Variants in CYLD observed in about 807,000 individuals in gnomAD.
The protein encoded by CYLD is ubiquitin carboxyl-terminal hydrolase CYLD.
Under a neutral mutation model 104.5 loss-of-function variants are expected in CYLD, and 26 were observed. The ratio of observed to expected loss-of-function variants is 0.25; its 90% CI spans 0.18 to 0.35. CYLD has a LOEUF of 0.35. Ranked by LOEUF, CYLD falls within the 10% of genes least tolerant of loss-of-function variation. CYLD has a pLI of 1.00. For missense variants in CYLD, 703 were observed against 1,136.1 expected (o/e 0.62, Z 5.48); for synonymous variants, 385 against 399.9 (o/e 0.96, Z 0.45).
intron 5 of CYLD, among the ~76,000 whole-genome samples, chr16:50,759,237 A>C (rs901721737): frequency 1.3e-5 from 2 of 152,170 alleles, no homozygotes; most frequent in African/African-American, 4.8e-5. Context: ...GCGAGACTCC[A>C]TCTCAAAAAA....
Position 50,753,515 on chromosome 16 carries a change from C to T in CYLD, c.808-804C>T, listed in dbSNP as rs116118775. Among the ~76,000 whole-genome samples, 1,334 of 152,366 alleles carry T rather than the reference C, an allele frequency of 8.8e-3. 16 individuals carry two copies. Among genetic ancestry groups the T allele is most frequent in the African/African-American group, 0.031 (1,274 of 41,584 alleles). Reference sequence around the variant, plus strand: ...TGCCAGCTTCTCTCCTTGCCTCCATCTGTCCCATAGCTGACTTGTGCAGAT... The same window carrying T: ...TGCCAGCTTCTCTCCTTGCCTCCATTTGTCCCATAGCTGACTTGTGCAGAT... On this transcript the variant is annotated intron_variant, in intron 4 of 18. Coordinates refer to ENST00000427738, the MANE Select transcript of CYLD (RefSeq NM_001378743.1).
rs58882123 is a variant in CYLD at position 50,782,541 on chromosome 16, T to TGC, written c.1826+77_1826+78dup. On this transcript the variant is annotated intron_variant, in intron 11 of 18. Coordinates refer to ENST00000427738, the MANE Select transcript of CYLD (RefSeq NM_001378743.1). ...ACACATACCGGTGTGTGTGTGTGTG[T>TGC]GCGTGTGAGTGTGTGTGAAAGAAAC... 7.2e-4 allele frequency: 1,018 copies of TGC among 1,415,662 alleles called. 8 individuals are homozygous for TGC. In the African/African-American group the frequency reaches 0.013, roughly 19 times the overall value. The allele number at this position is 1,415,662 out of a possible 1,614,324, so 87.7% of individuals were successfully genotyped here. A position where few individuals can be genotyped will look rare whatever the true frequency, so the allele number is the denominator to read the frequency against.
At position 50,797,012 on chromosome 16, in the gene CYLD, C is replaced by T. The variant is rs983260221; in HGVS notation, c.*504C>T. The T allele has an allele frequency of 6.4e-5, 16 of 249,972 alleles. No individual in the cohort carries two copies. The highest frequency in any genetic ancestry group is 3.3e-4 in the African/African-American group (15 of 45,504). The allele number at this position is 249,972 out of a possible 1,614,324, so 15.5% of individuals were successfully genotyped here. ...ACTGAGTTTGATTTGTTAATCCTTT[C>T]TATATACTGCTGATCTTGCATGTCT... On this transcript the variant is annotated 3_prime_UTR_variant, in exon 19 of 19. Transcript: ENST00000427738.
At chr16:50,782,916 ATTTTTTTT>A (rs386384680) in intron 11 of CYLD, among the ~76,000 whole-genome samples, 8 of 87,718 alleles carry the variant, frequency 9.1e-5, no homozygotes, top group Admixed American at 3.0e-4. Flanking sequence ...ACAACTTAAG[ATTTTTTTT>A]TTTTTTTTTT....
chr16:50,747,411 G>A (rs1327924259), intron 2 of CYLD, among the ~76,000 whole-genome samples: 2 of 152,188 alleles, frequency 1.3e-5, no homozygotes, highest in African/African-American at 2.4e-5. Context: ...GAAAGCATTC[G>A]CGACCTCAGG....
At chr16:50,763,165 T>A (rs1597010097) in intron 5 of CYLD, among the ~76,000 whole-genome samples, 1 of 152,336 alleles carries the variant, frequency 6.6e-6, no homozygotes, top group Non-Finnish European at 1.5e-5. Flanking sequence ...AGCATAATGT[T>A]TTCAAGGTTC....
intron 11 of CYLD, among the ~76,000 whole-genome samples, chr16:50,783,398 A>G (rs1449352499): frequency 6.6e-6 from 1 of 152,226 alleles, no homozygotes. Flanking sequence ...AGGAAGAAGA[A>G]TAAAGTGGCG....
intron 4 of CYLD, among the ~76,000 whole-genome samples, chr16:50,753,054 A>G (rs941689988): frequency 2.0e-5 from 3 of 152,152 alleles, no homozygotes; most frequent in African/African-American, 7.2e-5. Flanking sequence ...CATCATTTTT[A>G]TCTGCTCAGG....
Position 50,777,319 on chromosome 16 carries a change from A to AT in CYLD, c.1022-500dup, listed in dbSNP as rs374690224. 1.9e-3 allele frequency among the ~76,000 whole-genome samples: 283 copies of AT among 152,242 alleles called. 3 individuals carry two copies. The highest frequency in any genetic ancestry group is 6.5e-3 in the African/African-American group (272 of 41,554). Reference sequence around the variant, plus strand: ...AATCTGTAAGAAATAATAGTGCTTGATTTTTTCAAAGACACAAGGAATTTG... The same window carrying AT: ...AATCTGTAAGAAATAATAGTGCTTGATTTTTTTCAAAGACACAAGGAATTTG... On this transcript the variant is annotated intron_variant, in intron 7 of 18. Coordinates refer to ENST00000427738, the MANE Select transcript of CYLD (RefSeq NM_001378743.1).
chr16:50,776,321 C>A, intron 7 of CYLD, 44 bp downstream of exon 7: 1 of 1,302,150 alleles, frequency 7.7e-7, no homozygotes, highest in Non-Finnish European at 1.1e-6. Context: ...TGCATAATGC[C>A]TAACTTGCCA....
At chr16:50,748,690 AAT>A (rs1966394089) in intron 2 of CYLD, among the ~76,000 whole-genome samples, 2 of 152,360 alleles carry the variant, frequency 1.3e-5, no homozygotes, top group East Asian at 1.9e-4. Context: ...AAATATTTTT[AAT>A]ATAGTCATAT....
chr16:50,773,829 G>T (rs1969386200), intron 5 of CYLD, among the ~76,000 whole-genome samples: 1 of 152,184 alleles, frequency 6.6e-6, no homozygotes, highest in Non-Finnish European at 1.5e-5. Flanking sequence ...GAGGTGGTTT[G>T]TGCCCCTTTG....
intron 5 of CYLD, among the ~76,000 whole-genome samples, chr16:50,767,235 T>C (rs1167256764): frequency 6.6e-6 from 1 of 152,216 alleles, no homozygotes; most frequent in African/African-American, 2.4e-5. Context: ...ATCATTAACA[T>C]TTTTTAGCAA....
chr16:50,752,801 GT>G (rs565156531), intron 4 of CYLD, among the ~76,000 whole-genome samples: 48 of 152,244 alleles, frequency 3.2e-4, no homozygotes, highest in Middle Eastern at 3.4e-3. Context: ...TATTTTTAAT[GT>G]TTCCTTACAA....
Position 50,796,307 on chromosome 16 carries a change from C to A in CYLD, c.2687-17C>A. 6.2e-7 allele frequency: 1 copy of A among 1,613,770 alleles called. No homozygotes were observed. The highest frequency in any genetic ancestry group is 8.5e-7 in the Non-Finnish European group (1 of 1,179,722). On this transcript the variant is annotated splice_polypyrimidine_tract_variant and intron_variant, in intron 18 of 18. Transcript: ENST00000427738. ...GAACTTGACTGCCCTATAAAGAGTT[C>A]TTCCTCTGTGCCATAGGTGGTCAGA...
intron 14 of CYLD, 64 bp downstream of exon 14, chr16:50,787,916 T>C: frequency 1.1e-6 from 1 of 923,888 alleles, no homozygotes; most frequent in South Asian, 1.4e-5. Context: ...ACTGCCATTA[T>C]TCAACAGACA....
chr16:50,748,322 T>A (rs1966364544), intron 2 of CYLD, among the ~76,000 whole-genome samples: 1 of 152,230 alleles, frequency 6.6e-6, no homozygotes, highest in Non-Finnish European at 1.5e-5. Flanking sequence ...TGTAGTTTTT[T>A]AACCATCAGT....
At chr16:50,754,568 C>T (rs1966843766) in intron 5 of CYLD, 144 bp downstream of exon 5, 2 of 644,384 alleles carry the variant, frequency 3.1e-6, no homozygotes, top group South Asian at 1.8e-5. Flanking sequence ...GATTTTGGTG[C>T]ACCCGTCACC....
In CYLD at chr16:50,799,789, C is replaced by G. The variant is rs1972330349; in HGVS notation, c.*3281C>G. 1 of 232,810 alleles carries G rather than the reference C, an allele frequency of 4.3e-6. No individual in the cohort carries two copies. The highest frequency in any genetic ancestry group is 1.8e-4 in the South Asian group (1 of 5,502). 14.4% of individuals were successfully genotyped at this position (232,810 alleles called of 1,614,324 possible). A position where few individuals can be genotyped will look rare whatever the true frequency, so the allele number is the denominator to read the frequency against. On this transcript the variant is annotated 3_prime_UTR_variant, in exon 19 of 19. Transcript: ENST00000427738. The stretch of plus-strand genomic sequence containing the variant: ...TAGCTGGATCTTGAAAATTATCTGG[C>G]CAGATAATTTTGCATCTGCTTGGAT...
Sources: allele counts gnomAD v4.1 joint callset (sites outside exome capture counted in the v4.1 genomes callset), GRCh38; gene constraint gnomAD v4.1.1; transcripts MANE v1.5; gene names NCBI Gene and HGNC (gene_info 2026-07-23, HGNC 2026-07-21).